The following SP3 variants were observed in gnomAD, a reference collection of about 807,000 sequenced individuals.
SP3 encodes the protein Sp3 transcription factor.
A neutral mutation model predicts 70.3 loss-of-function variants in SP3; 10 were observed. The ratio of observed to expected loss-of-function variants is 0.14; its 90% CI spans 0.09 to 0.24. SP3 has a LOEUF of 0.24. Among genes scored for constraint, SP3 ranks in the 10% least tolerant of loss-of-function variants. SP3 has a pLI of 1.00. For synonymous variants in SP3, 402 were observed against 333.5 expected, an observed-to-expected ratio of 1.21 and a Z score of -2.24; for missense variants, 825 against 914.6, an observed-to-expected ratio of 0.90 and a Z score of 1.26.
At chr2:173,957,535 G>A (rs1690935116) in intron 3 of SP3, among the ~76,000 whole-genome samples, 2 of 152,128 alleles carry the variant, frequency 1.3e-5, no homozygotes, top group African/African-American at 2.4e-5. Context: ...ATGCAGTTTG[G>A]AGTTGAAGAA....
intron 2 of SP3, 33 bp from the exon 3 acceptor site, chr2:173,963,916 CA>C (rs766372434): frequency 4.2e-5 from 59 of 1,419,094 alleles, no homozygotes; most frequent in South Asian, 1.3e-4. Context: ...GAGAGGGAGA[CA>C]GGGGGAGGGG....
chr2:173,945,914 T>A (rs969277218), intron 4 of SP3, among the ~76,000 whole-genome samples: 2 of 152,034 alleles, frequency 1.3e-5, no homozygotes, highest in African/African-American at 4.8e-5. Flanking sequence ...TCATTTGAGG[T>A]CAGGAGTTCA....
intron 4 of SP3, among the ~76,000 whole-genome samples, chr2:173,942,255 A>T (rs1690393663): frequency 6.6e-6 from 1 of 152,188 alleles, no homozygotes; most frequent in South Asian, 2.1e-4. Flanking sequence ...GAGATCCTAC[A>T]ATGCAGTCAA....
chr2:173,931,368 G>A (rs2105472541), intron 4 of SP3, among the ~76,000 whole-genome samples: 2 of 134,010 alleles, frequency 1.5e-5, no homozygotes, highest in South Asian at 4.6e-4. Context: ...TTTTGAGATG[G>A]AGTCTCGCTC....
chr2:173,924,493 T>C (rs954270517), intron 4 of SP3, among the ~76,000 whole-genome samples: 1 of 152,232 alleles, frequency 6.6e-6, no homozygotes, highest in Non-Finnish European at 1.5e-5. Context: ...ATGAATATGA[T>C]GGCTAAACAC....
rs1558910089 is a variant in SP3, at chr2:173,964,494, C to CGCCGCT, written c.66_67insAGCGGC (p.Gly22_Gly23insSerGly). 9 of 702,580 alleles carry CGCCGCT rather than the reference C, an allele frequency of 1.3e-5. No individual in the cohort carries two copies. In the African/African-American group the frequency reaches 1.3e-4, roughly 10 times the overall value. The allele number at this position is 702,580 out of a possible 1,614,324, so 43.5% of individuals were successfully genotyped here. On this transcript the variant is annotated inframe_insertion, in exon 2 of 7. Transcript: ENST00000310015. ...CCGTGGCCGCCGCCGCCGCCACCGC[C>CGCCGCT]GCCGCCGCTATCCACGTCCAAGGCA... is the stretch of plus-strand genomic sequence containing the variant.
At chr2:173,947,879 C>T (rs941019194) in intron 4 of SP3, among the ~76,000 whole-genome samples, 1 of 152,174 alleles carries the variant, frequency 6.6e-6, no homozygotes, top group Non-Finnish European at 1.5e-5. Flanking sequence ...GTAATACTGG[C>T]TATATCACAA....
chr2:173,944,605 A>C (rs55992924), intron 4 of SP3, among the ~76,000 whole-genome samples: 10,121 of 152,266 alleles, frequency 0.066, 372 homozygotes, highest in South Asian at 0.099. Context: ...AGCTGTAATA[A>C]AGTTCTTCTC....
chr2:173,955,520 A>C lies in SP3; in HGVS notation c.992T>G (p.Val331Gly). The stretch of plus-strand genomic sequence containing the variant: ...CAACTGTGATGAAGAGGATGTTGGC[A>C]CAAATAAATCTGTATCAGTATTAGT... ...NETNTDTDLF[V>G]PTSSSSQLPV... The change falls in exon 4 of 7, where the codon GTG becomes GGG. Residue 331 changes from valine (V) to glycine (G), a missense_variant. Physicochemically the swap from Val to Gly is moderately radical, Grantham distance 109 (BLOSUM62 -3). Transcript: ENST00000310015. 6.2e-7 allele frequency: 1 copy of C among 1,614,180 alleles called. No individual in the cohort carries two copies. The highest frequency in any genetic ancestry group is 2.2e-5 in the East Asian group (1 of 44,892).
At chr2:173,933,619 G>A (rs868601473) in intron 4 of SP3, among the ~76,000 whole-genome samples, 12 of 97,480 alleles carry the variant, frequency 1.2e-4, no homozygotes, top group Non-Finnish European at 1.9e-4. Flanking sequence ...CAGTACAAAT[G>A]ACTAACATTT....
In SP3 at chr2:173,902,617, A is replaced by G. The variant is rs562605018; in HGVS notation, c.*7324T>C. 6.6e-6 allele frequency among the ~76,000 whole-genome samples: 1 copy of G among 152,258 alleles called. No homozygotes were observed. The highest frequency in any genetic ancestry group is 1.5e-5 in the Non-Finnish European group (1 of 68,044). ...GGATACATTGTGATAAACTTATTCA[A>G]TGAACTACAGCATTTAAATGAATGA... On this transcript the variant is annotated 3_prime_UTR_variant, in exon 7 of 7. Transcript: ENST00000310015.
chr2:173,945,447 AATG>A (rs2105487347), intron 4 of SP3, among the ~76,000 whole-genome samples: 1 of 152,326 alleles, frequency 6.6e-6, no homozygotes, highest in Middle Eastern at 3.4e-3. Context: ...AAGGCAAAAA[AATG>A]ATGACATTAT....
At chr2:173,944,858 T>C (rs1012448102) in intron 4 of SP3, among the ~76,000 whole-genome samples, 1 of 152,204 alleles carries the variant, frequency 6.6e-6, no homozygotes, top group African/African-American at 2.4e-5. Flanking sequence ...GGTTCATGCC[T>C]GTAATCCCAG....
chr2:173,905,566 T>G lies in SP3; in HGVS notation c.*4375A>C, dbSNP rs1423954868. Among the ~76,000 whole-genome samples the G allele has an allele frequency of 6.6e-6, 1 of 152,076 alleles. No individual in the cohort carries two copies. Among genetic ancestry groups the G allele is most frequent in the Non-Finnish European group, 1.5e-5 (1 of 68,016 alleles). On this transcript the variant is annotated 3_prime_UTR_variant, in exon 7 of 7. Transcript: ENST00000310015. The stretch of plus-strand genomic sequence containing the variant: ...TCAAAAACTGTATCTTAAACGTATT[T>G]AATACAATGAAGTGGCATGAATCAT...
intron 4 of SP3, among the ~76,000 whole-genome samples, chr2:173,925,318 A>G (rs1336076149): frequency 2.0e-5 from 3 of 152,228 alleles, no homozygotes; most frequent in Non-Finnish European, 4.4e-5. Context: ...TAAGTGAAAT[A>G]AATGAGTCAC....
At chr2:173,961,935 GTTT>G (rs536537799) in intron 3 of SP3, among the ~76,000 whole-genome samples, 38 of 81,004 alleles carry the variant, frequency 4.7e-4, no homozygotes, top group East Asian at 1.6e-3. Flanking sequence ...TATGGTTTGG[GTTT>G]TTTTTTTTTT....
rs1001971734 is a variant in SP3, at chr2:173,901,253, A to G, written c.*8688T>C. On this transcript the variant is annotated 3_prime_UTR_variant, in exon 7 of 7. Transcript: ENST00000310015. ...GACAAAAATTTTTATGACAGTAGGT[A>G]AAGAATTTCTTAAGACACAAAAGCC... is the stretch of plus-strand genomic sequence containing the variant. Among the ~76,000 whole-genome samples, 1 of 145,116 alleles carries G rather than the reference A, an allele frequency of 6.9e-6. No homozygotes were observed. The highest frequency in any genetic ancestry group is 1.9e-4 in the East Asian group (1 of 5,190).
Position 173,938,590 on chromosome 2 carries a change from GAAA to G in SP3, c.1639+16280_1639+16282del, listed in dbSNP as rs796893005. Among the ~76,000 whole-genome samples the G allele has an allele frequency of 2.1e-5, 3 of 141,640 alleles. No homozygotes were observed. In the South Asian group the frequency reaches 6.6e-4, roughly 31 times the overall value. The allele number at this position is 141,640 out of a possible 152,430, so 92.9% of individuals were successfully genotyped here. On this transcript the variant is annotated intron_variant, in intron 4 of 6. Transcript: ENST00000310015. ...TTTATCCATCAAAAAAAAGAATGCA[GAAA>G]AAAAAAAGATGAGTAAGCAATGACT...
In SP3 at chr2:173,930,620, AAATAT is replaced by A. The variant is rs545855391; in HGVS notation, c.1640-11840_1640-11836del. Among the ~76,000 whole-genome samples, 7 of 152,348 alleles carry A rather than the reference AAATAT, an allele frequency of 4.6e-5. No homozygotes were observed. The East Asian group carries it at 1.3e-3, about 29-fold the overall frequency. Reference sequence around the variant, plus strand: ...TTGTCCCAAAAGCTTCAAATGCATTAAATATATTACTTGCCTTCCAAGTTACTGCA... The same window carrying A: ...TTGTCCCAAAAGCTTCAAATGCATTAATTACTTGCCTTCCAAGTTACTGCA... On this transcript the variant is annotated intron_variant, in intron 4 of 6. Transcript: ENST00000310015.
Sources: gnomAD v4.1 joint callset for allele counts (sites outside exome capture counted in the v4.1 genomes callset) on GRCh38, gnomAD v4.1.1 for gene constraint, MANE v1.5 for transcripts, NCBI Gene and HGNC (gene_info 2026-07-23, HGNC 2026-07-21) for gene names.